The following TDP1 variants were observed in gnomAD, a reference collection of about 807,000 sequenced individuals.
TDP1 encodes the protein tyrosyl-DNA phosphodiesterase 1.
A neutral mutation model predicts 81.5 loss-of-function variants in TDP1; 64 were observed. That is an observed-to-expected ratio of 0.79 (90% confidence interval 0.64 to 0.97). The LOEUF (loss-of-function observed/expected upper bound fraction) is 0.97, where lower values mean the gene tolerates loss of function less well. Ranked by LOEUF, TDP1 falls within the 50% of genes least tolerant of loss-of-function variation. TDP1 has a pLI of 0.00. For missense variants in TDP1, 723 were observed against 743.8 expected (o/e 0.97, Z 0.33); for synonymous variants, 256 against 264.3 (o/e 0.97, Z 0.30).
At chr14:89,969,024 T>C (rs541196255) in intron 5 of TDP1, among the ~76,000 whole-genome samples, 2 of 152,302 alleles carry the variant, frequency 1.3e-5, no homozygotes, top group East Asian at 3.9e-4. Flanking sequence ...GATAAGACCA[T>C]GTAAAGACAC....
intron 15 of TDP1, among the ~76,000 whole-genome samples, chr14:90,020,824 C>G (rs1253942969): frequency 1.5e-5 from 2 of 136,620 alleles, no homozygotes; most frequent in Non-Finnish European, 3.1e-5. Context: ...TAGACAGAGT[C>G]TCGCTCTGTC....
chr14:90,032,219 G>A (rs182038358), intron 15 of TDP1, among the ~76,000 whole-genome samples: 1 of 152,238 alleles, frequency 6.6e-6, no homozygotes, highest in Admixed American at 6.5e-5. Context: ...ACCTCCCCAT[G>A]TTCTTTGACA....
chr14:89,999,288 T>G (rs1896989915), intron 14 of TDP1, among the ~76,000 whole-genome samples: 1 of 152,232 alleles, frequency 6.6e-6, no homozygotes, highest in South Asian at 2.1e-4. Context: ...AAATTCGTTA[T>G]GAACAACTGA....
chr14:89,998,151 G>T (rs1317816067), intron 14 of TDP1, among the ~76,000 whole-genome samples: 1 of 151,582 alleles, frequency 6.6e-6, no homozygotes, highest in Non-Finnish European at 1.5e-5. Context: ...GTGGTATCTG[G>T]ACCAACACTT....
rs772318046 is a variant in TDP1, at chr14:90,019,385, C to T, written c.1611C>T (p.Tyr537=). ...KNGTQLMIRS[Y]ELGVLFLPSA... ...GCACCCAGCTGATGATCCGCTCCTACGAGCTCGGGGTCCTTTTCCTCCCTT... is the reference window on the plus strand; with the variant it reads ...GCACCCAGCTGATGATCCGCTCCTATGAGCTCGGGGTCCTTTTCCTCCCTT... The change falls in exon 15 of 17, where the codon TAC becomes TAT. Residue 537 remains tyrosine, a synonymous_variant. Coordinates refer to ENST00000335725, the MANE Select transcript of TDP1 (RefSeq NM_018319.4). 1.2e-5 allele frequency: 20 copies of T among 1,611,090 alleles called. No homozygotes were observed. In the Admixed American group the frequency reaches 2.2e-4, roughly 17 times the overall value.
rs34068361 is a variant in TDP1 at position 90,022,804 on chromosome 14, A to T, written c.1644+3386A>T. 5.3e-4 allele frequency: 523 copies of T among 981,972 alleles called. 1 individual carries two copies. The African/African-American group carries it at 8.8e-3, about 16-fold the overall frequency. 60.8% of individuals were successfully genotyped at this position (981,972 alleles called of 1,614,324 possible). A position where few individuals can be genotyped will look rare whatever the true frequency, so the allele number is the denominator to read the frequency against. On this transcript the variant is annotated intron_variant, in intron 15 of 16. Transcript: ENST00000335725. ...AACATTGATGGTTTTGACCTTGAGG[A>T]TGACCCAGAGATTTGTGCCATGAGG...
At chr14:89,998,375 TA>T (rs1566890678) in intron 14 of TDP1, among the ~76,000 whole-genome samples, 144 of 4,148 alleles carry the variant, frequency 0.035, 2 homozygotes, top group African/African-American at 0.048. Context: ...AAGCACATTA[TA>T]TATATATATA....
chr14:89,993,120 T>G (rs1896359773), intron 13 of TDP1: 1 of 978,210 alleles, frequency 1.0e-6, no homozygotes, highest in Admixed American at 6.2e-5. Flanking sequence ...TATGCATGTA[T>G]GTATGTTCAT....
intron 14 of TDP1, among the ~76,000 whole-genome samples, chr14:89,999,289 GAAC>G (rs1177365752): frequency 6.6e-6 from 1 of 152,114 alleles, no homozygotes; most frequent in East Asian, 1.9e-4. Flanking sequence ...AATTCGTTAT[GAAC>G]AACTGATATA....
intron 16 of TDP1, among the ~76,000 whole-genome samples, chr14:90,036,322 A>G (rs564502787): frequency 6.6e-6 from 1 of 152,330 alleles, no homozygotes; most frequent in African/African-American, 2.4e-5. Context: ...GGGAAGCCAT[A>G]TGGACTATAG....
intron 15 of TDP1, chr14:90,022,654 G>A (rs775062972): frequency 2.2e-4 from 149 of 665,608 alleles, no homozygotes; most frequent in Middle Eastern, 7.5e-4. Context: ...TGTAAAAAGG[G>A]TTGTTGGGTT....
chr14:90,042,593 C>T (rs1011639062), intron 16 of TDP1, among the ~76,000 whole-genome samples: 34 of 152,174 alleles, frequency 2.2e-4, no homozygotes, highest in African/African-American at 8.2e-4. Flanking sequence ...TTCCACATGG[C>T]TGTGGAGTCC....
chr14:89,981,535 G>A (rs180782705), intron 8 of TDP1: 6 of 452,578 alleles, frequency 1.3e-5, no homozygotes, highest in Admixed American at 1.2e-4. Flanking sequence ...GGAGAAACTC[G>A]GACGTTTGTC....
At chr14:90,009,820 C>A (rs965664733) in intron 14 of TDP1, among the ~76,000 whole-genome samples, 1 of 152,076 alleles carries the variant, frequency 6.6e-6, no homozygotes, top group East Asian at 1.9e-4. Context: ...CAGAACAGAA[C>A]AGAGTCCAGA....
At position 89,989,405 on chromosome 14, in the gene TDP1, A is replaced by G. The variant is rs1052764913; in HGVS notation, c.1318-312A>G. Reference sequence around the variant, plus strand: ...CAAGGTAGAAAATATTTGATGTAGCACAGCCAGCAGAATTATGGGCATTTT... The same window carrying G: ...CAAGGTAGAAAATATTTGATGTAGCGCAGCCAGCAGAATTATGGGCATTTT... On this transcript the variant is annotated intron_variant, in intron 11 of 16. Transcript: ENST00000335725. The G allele has an allele frequency of 2.3e-5, 23 of 984,830 alleles. No individual in the cohort carries two copies. The African/African-American group carries it at 3.8e-4, about 16-fold the overall frequency. The allele number at this position is 984,830 out of a possible 1,614,324, so 61.0% of individuals were successfully genotyped here. A position where few individuals can be genotyped will look rare whatever the true frequency, so the allele number is the denominator to read the frequency against.
chr14:89,970,346 A>G (rs1893472445), intron 5 of TDP1, among the ~76,000 whole-genome samples: 1 of 152,108 alleles, frequency 6.6e-6, no homozygotes, highest in African/African-American at 2.4e-5. Context: ...CTAACCACCC[A>G]TTAGTGAAGC....
At chr14:89,960,732 A>G (rs189164400) in intron 2 of TDP1, among the ~76,000 whole-genome samples, 1 of 152,324 alleles carries the variant, frequency 6.6e-6, no homozygotes, top group Admixed American at 6.5e-5. Flanking sequence ...GTCTTGATGC[A>G]TTCTTGCATA....
chr14:90,013,081 G>A (rs1276005020), intron 14 of TDP1, among the ~76,000 whole-genome samples: 1 of 152,214 alleles, frequency 6.6e-6, no homozygotes, highest in Non-Finnish European at 1.5e-5. Context: ...TTGTATTTAG[G>A]AAGTAACTGA....
chr14:90,012,769 G>A (rs907335342), intron 14 of TDP1, among the ~76,000 whole-genome samples: 2 of 152,044 alleles, frequency 1.3e-5, no homozygotes, highest in African/African-American at 4.8e-5. Flanking sequence ...TAGATCCACT[G>A]ACAGCTTGCA....
Sources: allele counts gnomAD v4.1 joint callset (sites outside exome capture counted in the v4.1 genomes callset), GRCh38; gene constraint gnomAD v4.1.1; transcripts MANE v1.5; gene names NCBI Gene and HGNC (gene_info 2026-07-23, HGNC 2026-07-21).